Variants in DOCK2 observed in about 807,000 individuals in gnomAD.
The protein encoded by DOCK2 is dedicator of cytokinesis protein 2.
In DOCK2, 87 loss-of-function variants were observed where a neutral mutation model predicts 248.9. The ratio of observed to expected loss-of-function variants is 0.35; its 90% confidence interval spans 0.29 to 0.42. The LOEUF (loss-of-function observed/expected upper bound fraction) is 0.42. Among genes scored for constraint, DOCK2 ranks in the 10% least tolerant of loss-of-function variants. The probability of loss-of-function intolerance (pLI) is 1.00; values close to 1 mark genes in which losing one functional copy is unlikely to be tolerated. For synonymous variants in DOCK2, 805 were observed against 821.6 expected (o/e 0.98, Z 0.35); for missense variants, 1,747 against 2,300.2 (o/e 0.76, Z 4.92).
intron 29 of DOCK2, among the ~76,000 whole-genome samples, chr5:169,992,958 C>G (rs186868719): frequency 6.6e-6 from 1 of 152,132 alleles, no homozygotes. Flanking sequence ...AATCAATTCG[C>G]GGTCATTAGG....
intron 27 of DOCK2, among the ~76,000 whole-genome samples, chr5:169,886,102 A>G (rs931552592): frequency 6.6e-6 from 1 of 152,182 alleles, no homozygotes; most frequent in East Asian, 1.9e-4. Context: ...AGTGATCTGC[A>G]TCTCTCTTTA....
intron 27 of DOCK2, among the ~76,000 whole-genome samples, chr5:169,924,865 T>C (rs1775354308): frequency 6.6e-6 from 1 of 152,146 alleles, no homozygotes; most frequent in South Asian, 2.1e-4. Context: ...AGTTTTTCAA[T>C]TTGTGACTTC....
chr5:169,990,702 T>C (rs1180601105), intron 29 of DOCK2, among the ~76,000 whole-genome samples: 1 of 152,214 alleles, frequency 6.6e-6, no homozygotes, highest in Non-Finnish European at 1.5e-5. Flanking sequence ...CCAATGCTTT[T>C]ATCTTTAGTT....
At chr5:169,853,728 G>C (rs1222073248) in intron 27 of DOCK2, among the ~76,000 whole-genome samples, 1 of 148,188 alleles carries the variant, frequency 6.7e-6, no homozygotes, top group Non-Finnish European at 1.5e-5. Flanking sequence ...TCTGCTTAAA[G>C]GGAACATGAC....
At chr5:169,987,312 C>T (rs547230391) in intron 29 of DOCK2, among the ~76,000 whole-genome samples, 27 of 152,316 alleles carry the variant, frequency 1.8e-4, no homozygotes, top group African/African-American at 5.5e-4. Context: ...TGGACCTCTG[C>T]GGCCAGCCAA....
chr5:170,061,181 A>G (rs1414741614), intron 44 of DOCK2, among the ~76,000 whole-genome samples: 3 of 152,080 alleles, frequency 2.0e-5, no homozygotes, highest in Non-Finnish European at 4.4e-5. Flanking sequence ...TTTTCTCTTC[A>G]CAGCAAGCCT....
chr5:170,001,377 G>C lies in DOCK2; in HGVS notation c.3072+5213G>C, dbSNP rs528402663. Among the ~76,000 whole-genome samples the C allele has an allele frequency of 1.4e-4, 21 of 152,208 alleles. No individual in the cohort carries two copies. The South Asian group carries it at 4.4e-3, about 32-fold the overall frequency. ...CTATAGTCTTTATAAACATCGGATG[G>C]ACCAGTGACAACCTTAACCAACAAA... On this transcript the variant is annotated intron_variant, in intron 30 of 51. Coordinates refer to ENST00000520908, the MANE Select transcript of DOCK2 (RefSeq NM_004946.3).
chr5:169,740,459 C>T (rs1007923582), intron 22 of DOCK2, among the ~76,000 whole-genome samples: 13 of 152,200 alleles, frequency 8.5e-5, no homozygotes, highest in Non-Finnish European at 1.3e-4. Flanking sequence ...GTGTTATTTA[C>T]AGGAAGATGT....
intron 26 of DOCK2, among the ~76,000 whole-genome samples, chr5:169,825,203 A>T (rs1157245514): frequency 1.3e-5 from 2 of 152,182 alleles, no homozygotes; most frequent in African/African-American, 2.4e-5. Flanking sequence ...ATTGTGGAAG[A>T]CATTTTGGCG....
At chr5:170,044,241 A>T (rs1404758747) in intron 38 of DOCK2, among the ~76,000 whole-genome samples, 1 of 152,232 alleles carries the variant, frequency 6.6e-6, no homozygotes, top group African/African-American at 2.4e-5. Context: ...CTATTGATGT[A>T]TATCCTTTGT....
intron 1 of DOCK2, among the ~76,000 whole-genome samples, chr5:169,643,328 C>T (rs1460654567): frequency 7.0e-6 from 1 of 142,722 alleles, no homozygotes; most frequent in Non-Finnish European, 1.5e-5. Context: ...CCTCTCCGTT[C>T]ATCACTCTAG....
chr5:170,063,736 A>C (rs912413006), intron 44 of DOCK2, among the ~76,000 whole-genome samples: 5 of 152,210 alleles, frequency 3.3e-5, no homozygotes, highest in East Asian at 1.9e-4. Context: ...TCTGGGAGTC[A>C]ATGGGACTTT....
At chr5:169,716,931 T>G (rs1761943468) in intron 20 of DOCK2, among the ~76,000 whole-genome samples, 1 of 152,144 alleles carries the variant, frequency 6.6e-6, no homozygotes, top group African/African-American at 2.4e-5. Context: ...TTTAAAGAGG[T>G]TACTGAGAGA....
At chr5:169,996,740 T>C (rs988475601) in intron 30 of DOCK2, among the ~76,000 whole-genome samples, 1 of 152,130 alleles carries the variant, frequency 6.6e-6, no homozygotes, top group Non-Finnish European at 1.5e-5. Flanking sequence ...CCTGGAGATG[T>C]GCGAGGGAAG....
intron 26 of DOCK2, among the ~76,000 whole-genome samples, chr5:169,840,066 G>A (rs1769847715): frequency 6.6e-6 from 1 of 152,118 alleles, no homozygotes; most frequent in African/African-American, 2.4e-5. Flanking sequence ...AATTTTTAAA[G>A]AAAAAAGGTT....
At chr5:169,786,607 T>G (rs1292191143) in intron 25 of DOCK2, among the ~76,000 whole-genome samples, 1 of 152,152 alleles carries the variant, frequency 6.6e-6, no homozygotes, top group African/African-American at 2.4e-5. Context: ...GCTGTCCTGT[T>G]GAGTACCAAG....
At chr5:170,024,738 G>A (rs940343522) in intron 33 of DOCK2, among the ~76,000 whole-genome samples, 4 of 152,108 alleles carry the variant, frequency 2.6e-5, no homozygotes, top group Non-Finnish European at 5.9e-5. Flanking sequence ...CTCAAACCAA[G>A]TCTATTCAAT....
chr5:169,997,956 ACC>A (rs1160930210), intron 30 of DOCK2: 3 of 456,064 alleles, frequency 6.6e-6, no homozygotes, highest in Non-Finnish European at 1.3e-5. Context: ...TGCAACAACT[ACC>A]CTTTCTACTT....
At chr5:169,670,127 G>A (rs1463779392) in intron 3 of DOCK2, among the ~76,000 whole-genome samples, 2 of 152,232 alleles carry the variant, frequency 1.3e-5, no homozygotes, top group East Asian at 3.8e-4. Context: ...TGACTGTGAA[G>A]GGTGACCGCT....
Sources: gnomAD v4.1 joint callset for allele counts (sites outside exome capture counted in the v4.1 genomes callset) on GRCh38, gnomAD v4.1.1 for gene constraint, MANE v1.5 for transcripts, NCBI Gene and HGNC (gene_info 2026-07-23, HGNC 2026-07-21) for gene names.